Variants in ZDHHC21 observed in about 807,000 individuals in gnomAD.
The protein encoded by ZDHHC21 is palmitoyltransferase ZDHHC21.
ZDHHC21 carries 15 observed loss-of-function variants against 34.6 expected under a neutral mutation model. The ratio of observed to expected loss-of-function variants is 0.43; its 90% CI spans 0.29 to 0.67. The LOEUF (loss-of-function observed/expected upper bound fraction) is 0.67. Among genes scored for constraint, ZDHHC21 ranks in the 30% least tolerant of loss-of-function variants. ZDHHC21 has a pLI of 0.14. For synonymous variants in ZDHHC21, 142 were observed against 101.8 expected, an observed-to-expected ratio of 1.40 and a Z score of -2.38; for missense variants, 344 against 327.7, an observed-to-expected ratio of 1.05 and a Z score of -0.38.
chr9:14,653,767 A>C (rs1319351018), intron 7 of ZDHHC21, among the ~76,000 whole-genome samples: 3 of 152,076 alleles, frequency 2.0e-5, no homozygotes, highest in Non-Finnish European at 4.4e-5. Flanking sequence ...GCAATTAGGC[A>C]GCAATGATTA....
At chr9:14,678,644 T>C (rs916644316) in intron 3 of ZDHHC21, among the ~76,000 whole-genome samples, 1 of 152,100 alleles carries the variant, frequency 6.6e-6, no homozygotes, top group East Asian at 1.9e-4. Flanking sequence ...AAAACTCTTT[T>C]ACACAGCAGT....
At chr9:14,602,287 A>C in the ZDHHC21 span, among the ~76,000 whole-genome samples, 1 of 152,114 alleles carries the variant, frequency 6.6e-6, no homozygotes, top group Admixed American at 6.6e-5. Flanking sequence ...AGGTCATTTG[A>C]AATAATTCAG....
At chr9:14,651,226 T>C (rs987008847) in intron 7 of ZDHHC21, among the ~76,000 whole-genome samples, 2 of 151,862 alleles carry the variant, frequency 1.3e-5, no homozygotes, top group Non-Finnish European at 2.9e-5. Context: ...AACAGCAAAA[T>C]ATTAATCTAC....
At chr9:14,679,439 G>T (rs1209973754) in intron 3 of ZDHHC21, among the ~76,000 whole-genome samples, 1 of 152,096 alleles carries the variant, frequency 6.6e-6, no homozygotes, top group Non-Finnish European at 1.5e-5. Flanking sequence ...TAACATTTTT[G>T]TTAGAAAAAA....
the ZDHHC21 span, among the ~76,000 whole-genome samples, chr9:14,606,064 A>C: frequency 3.2e-3 from 487 of 152,356 alleles, 6 homozygotes; most frequent in African/African-American, 0.011. Context: ...TAAACAAGGT[A>C]ATAAAACCCA....
intron 2 of ZDHHC21, among the ~76,000 whole-genome samples, 176 bp from the exon 3 acceptor site, chr9:14,680,338 ATT>A (rs1395148914): frequency 6.6e-6 from 1 of 152,174 alleles, no homozygotes; most frequent in Non-Finnish European, 1.5e-5. Flanking sequence ...CAGAATTTGC[ATT>A]TGATTACAAT....
At chr9:14,599,185 T>G in the ZDHHC21 span, among the ~76,000 whole-genome samples, 1 of 152,220 alleles carries the variant, frequency 6.6e-6, no homozygotes, top group African/African-American at 2.4e-5. Context: ...AGCTTTGGTC[T>G]GCAGCTCCCA....
chr9:14,631,312 C>T (rs779484578), intron 8 of ZDHHC21, among the ~76,000 whole-genome samples: 3 of 152,196 alleles, frequency 2.0e-5, no homozygotes, highest in Non-Finnish European at 4.4e-5. Flanking sequence ...ATGCTAGCTT[C>T]CAACTTTTCT....
intron 8 of ZDHHC21, among the ~76,000 whole-genome samples, chr9:14,635,505 A>G (rs1236289387): frequency 6.6e-6 from 1 of 152,268 alleles, no homozygotes. Flanking sequence ...GAAACTTTAT[A>G]GGCCAGGAGA....
chr9:14,619,871 CATT>C (rs1824976562), intron 8 of ZDHHC21, among the ~76,000 whole-genome samples, 189 bp from the exon 9 acceptor site: 1 of 111,482 alleles, frequency 9.0e-6, no homozygotes, highest in Admixed American at 9.7e-5. Context: ...ACAAAATCAA[CATT>C]ATACTATGCA....
chr9:14,591,346 T>A, the ZDHHC21 span, among the ~76,000 whole-genome samples: 1 of 152,076 alleles, frequency 6.6e-6, no homozygotes, highest in Non-Finnish European at 1.5e-5. Flanking sequence ...TATTAGAGGA[T>A]TGAGGGAGTA....
intron 7 of ZDHHC21, among the ~76,000 whole-genome samples, chr9:14,653,132 TCC>T (rs1831543616): frequency 6.6e-6 from 1 of 151,994 alleles, no homozygotes; most frequent in Non-Finnish European, 1.5e-5. Flanking sequence ...GGGATCTTAT[TCC>T]ATATCCTGAA....
At chr9:14,677,141 G>A (rs1225409584) in intron 3 of ZDHHC21, among the ~76,000 whole-genome samples, 1 of 151,900 alleles carries the variant, frequency 6.6e-6, no homozygotes, top group Non-Finnish European at 1.5e-5. Context: ...AAATTACATA[G>A]TGAAAAGTAT....
chr9:14,642,827 T>A (rs1016827707), intron 7 of ZDHHC21, among the ~76,000 whole-genome samples: 2 of 152,252 alleles, frequency 1.3e-5, no homozygotes. Context: ...AAGACAGGCC[T>A]AGCAAACTAA....
Position 14,631,247 on chromosome 9 carries a change from T to A in ZDHHC21, c.621+8649A>T, listed in dbSNP as rs186570058. 2.0e-5 allele frequency among the ~76,000 whole-genome samples: 3 copies of A among 152,356 alleles called. No homozygotes were observed. In the East Asian group the frequency reaches 5.8e-4, roughly 29 times the overall value. On this transcript the variant is annotated intron_variant, in intron 8 of 9. Transcript: ENST00000380916. ...TACATCAGCACTTGCTGCTTCACCT[T>A]GCATTTTTTATGTTATGGAAATGCC...
At chr9:14,655,680 T>G (rs1057404574) in intron 7 of ZDHHC21, among the ~76,000 whole-genome samples, 1 of 150,642 alleles carries the variant, frequency 6.6e-6, no homozygotes, top group Non-Finnish European at 1.5e-5. Flanking sequence ...ATAAAAAGAG[T>G]AAAAGAAAAA....
chr9:14,603,558 T>C, the ZDHHC21 span, among the ~76,000 whole-genome samples: 1 of 152,180 alleles, frequency 6.6e-6, no homozygotes, highest in South Asian at 2.1e-4. Context: ...AACCGTAACA[T>C]GAAAGATTTG....
At chr9:14,665,531 C>G (rs1834265414) in intron 5 of ZDHHC21, among the ~76,000 whole-genome samples, 1 of 151,880 alleles carries the variant, frequency 6.6e-6, no homozygotes, top group Non-Finnish European at 1.5e-5. Context: ...AGAAAAACTC[C>G]AAGACACATA....
chr9:14,601,437 A>G, the ZDHHC21 span, among the ~76,000 whole-genome samples: 4 of 150,464 alleles, frequency 2.7e-5, no homozygotes, highest in African/African-American at 1.0e-4. Flanking sequence ...AAATCAAAAC[A>G]ACAATGAGAT....
Sources: allele counts gnomAD v4.1 joint callset (sites outside exome capture counted in the v4.1 genomes callset), GRCh38; gene constraint gnomAD v4.1.1; transcripts MANE v1.5; gene names NCBI Gene and HGNC (gene_info 2026-07-23, HGNC 2026-07-21).